PISD: variants seen among roughly 807,000 people sequenced by gnomAD.
PISD encodes phosphatidylserine decarboxylase, also known as phosphatidylserine decarboxylase proenzyme, mitochondrial.
PISD carries 31 observed loss-of-function variants against 43.5 expected under a neutral mutation model. The ratio of observed to expected loss-of-function variants is 0.71; its 90% CI spans 0.54 to 0.96. The LOEUF (loss-of-function observed/expected upper bound fraction) is 0.96, where lower values mean the gene tolerates loss of function less well. Ranked by LOEUF, PISD falls within the 40% of genes least tolerant of loss-of-function variation. The pLI is 0.00. For synonymous variants in PISD, 259 were observed against 228.7 expected, an observed-to-expected ratio of 1.13 and a Z score of -1.20; for missense variants, 523 against 548.4, an observed-to-expected ratio of 0.95 and a Z score of 0.46.
At chr22:31,646,179 T>C (rs890235377) in intron 3 of PISD, among the ~76,000 whole-genome samples, 4 of 151,598 alleles carry the variant, frequency 2.6e-5, no homozygotes, top group Non-Finnish European at 5.9e-5. Flanking sequence ...GGAGGGTCGC[T>C]TGAGCCCAGG....
At chr22:31,661,336 T>A (rs895558566) in intron 1 of PISD, among the ~76,000 whole-genome samples, 6 of 152,150 alleles carry the variant, frequency 3.9e-5, no homozygotes, top group Non-Finnish European at 8.8e-5. Context: ...GTATGGCGCA[T>A]CTCTCAAATC....
chr22:31,637,735 C>G (rs2073554836), intron 3 of PISD, among the ~76,000 whole-genome samples: 1 of 152,224 alleles, frequency 6.6e-6, no homozygotes, highest in Admixed American at 6.5e-5. Flanking sequence ...CTGACTCAGT[C>G]TGGGGAAGAG....
At chr22:31,640,880 G>GTTTTTTTTTGT (rs2073690526) in intron 3 of PISD, among the ~76,000 whole-genome samples, 1 of 24,596 alleles carries the variant, frequency 4.1e-5, no homozygotes, top group African/African-American at 1.8e-4. Context: ...CACACCCGGT[G>GTTTTTTTTTGT]TTTTTTTTTT....
At chr22:31,623,997 A>T (rs1187231292) in intron 3 of PISD, 1 of 692,398 alleles carries the variant, frequency 1.4e-6, no homozygotes, top group East Asian at 2.7e-5. Context: ...GAGCCCAGCA[A>T]GCACTGGCTG....
At chr22:31,625,589 G>T in intron 3 of PISD, 1 of 718,786 alleles carries the variant, frequency 1.4e-6, no homozygotes, top group Non-Finnish European at 2.3e-6. Context: ...ACCTGAAGCG[G>T]GCTCTCCGAC....
rs565352858 is a variant in PISD at position 31,638,496 on chromosome 22, T to G, written c.321+9605A>C. ...ACAGGGAAGAGGGAGAAACGCTTGT[T>G]GGCCAAGAAGACCGGCAGAGAGGAA... On this transcript the variant is annotated intron_variant, in intron 3 of 7. Transcript: ENST00000439502. 120 of 985,532 alleles carry G rather than the reference T, an allele frequency of 1.2e-4. No homozygotes were observed. In the African/African-American group the frequency reaches 1.9e-3, roughly 15 times the overall value. 61.0% of individuals were successfully genotyped at this position (985,532 alleles called of 1,614,324 possible).
intron 4 of PISD, 48 bp from the exon 5 acceptor site, chr22:31,621,520 C>T (rs1286655620): frequency 6.2e-7 from 1 of 1,607,792 alleles, no homozygotes; most frequent in Admixed American, 1.7e-5. Context: ...GGGTCTCCTC[C>T]CCCCAGGAGA....
intron 3 of PISD, chr22:31,629,578 ATGGGTG>A (rs1486516052): frequency 1.5e-5 from 1 of 65,138 alleles, no homozygotes; most frequent in Non-Finnish European, 2.9e-5. Flanking sequence ...GCGTGCGTGT[ATGGGTG>A]TGTAGGTGCA....
chr22:31,622,022 C>A (rs2072612233), intron 3 of PISD, 137 bp from the exon 4 acceptor site: 1 of 670,118 alleles, frequency 1.5e-6, no homozygotes, highest in Non-Finnish European at 2.6e-6. Context: ...AGGTGCCCCA[C>A]GCTGCTTTTG....
intron 1 of PISD, among the ~76,000 whole-genome samples, chr22:31,651,774 G>A (rs1420474698): frequency 2.0e-5 from 3 of 152,104 alleles, no homozygotes; most frequent in Non-Finnish European, 4.4e-5. Flanking sequence ...TACTATTCTG[G>A]TTCAGTTACT....
chr22:31,643,920 C>G lies in PISD; in HGVS notation c.321+4181G>C, dbSNP rs1380093187. 2.0e-5 allele frequency among the ~76,000 whole-genome samples: 3 copies of G among 151,954 alleles called. 1 individual carries two copies. The highest frequency in any genetic ancestry group is 4.4e-5 in the Non-Finnish European group (3 of 68,000). On this transcript the variant is annotated intron_variant, in intron 3 of 7. Coordinates refer to ENST00000439502, the MANE Select transcript of PISD (RefSeq NM_001326411.2). ...AAAATTAGCCAGGCCTGGTGGCGGG[C>G]ACTTGTAATCCCAGCTACTCAGGAG...
At chr22:31,625,862 T>A in intron 3 of PISD, 1 of 1,568,036 alleles carries the variant, frequency 6.4e-7, no homozygotes, top group Non-Finnish European at 8.7e-7. Flanking sequence ...ATCACTCCCT[T>A]TGTTTTCCTC....
In PISD at chr22:31,630,705, C is replaced by G; in HGVS notation, c.322-8820G>C. ...ACCGAAGGCCCTAGAAGGGCACCCC[C>G]ACCCGGCACTGGCCCTCTGAGCGGG... On this transcript the variant is annotated intron_variant, in intron 3 of 7. Coordinates refer to ENST00000439502, the MANE Select transcript of PISD (RefSeq NM_001326411.2). The surrounding 1 kb of genome is among the most constrained non-coding windows in gnomAD (Gnocchi z 4.4). The G allele has an allele frequency of 1.0e-6, 1 of 984,910 alleles. No homozygotes were observed. Among genetic ancestry groups the G allele is most frequent in the South Asian group, 4.7e-5 (1 of 21,288 alleles). 61.0% of individuals were successfully genotyped at this position (984,910 alleles called of 1,614,324 possible). A position where few individuals can be genotyped will look rare whatever the true frequency, so the allele number is the denominator to read the frequency against.
intron 2 of PISD, among the ~76,000 whole-genome samples, chr22:31,648,875 G>A (rs916693611): frequency 1.3e-5 from 2 of 152,106 alleles, no homozygotes; most frequent in East Asian, 1.9e-4. Flanking sequence ...ACACTGAATC[G>A]CAAAGAGGTC....
At chr22:31,659,011 G>A (rs1007724481) in intron 1 of PISD, among the ~76,000 whole-genome samples, 3 of 151,744 alleles carry the variant, frequency 2.0e-5, no homozygotes, top group Non-Finnish European at 2.9e-5. Flanking sequence ...GCACCACTAT[G>A]ACCAGCTAAT....
At chr22:31,620,491 C>A in intron 7 of PISD, 62 bp downstream of exon 7, 1 of 1,545,938 alleles carries the variant, frequency 6.5e-7, no homozygotes, top group Admixed American at 1.7e-5. Context: ...GCACAGCAGA[C>A]AAGGCAGGTA....
chr22:31,652,129 G>C (rs1020124025), intron 1 of PISD, among the ~76,000 whole-genome samples: 1 of 150,926 alleles, frequency 6.6e-6, no homozygotes, highest in African/African-American at 2.5e-5. Flanking sequence ...TGGATATTTA[G>C]TTATGTCTTT....
intron 3 of PISD, chr22:31,625,745 C>A: frequency 6.4e-7 from 1 of 1,572,192 alleles, no homozygotes; most frequent in Non-Finnish European, 8.6e-7. Flanking sequence ...GGTTAGGGCG[C>A]GGTGGGCAGC....
intron 3 of PISD, among the ~76,000 whole-genome samples, chr22:31,634,190 T>C (rs1423187213): frequency 6.6e-6 from 1 of 152,226 alleles, no homozygotes; most frequent in Non-Finnish European, 1.5e-5. Context: ...CCTCAGCTAA[T>C]TCTCATTTCC....
Sources: gnomAD v4.1 joint callset for allele counts (sites outside exome capture counted in the v4.1 genomes callset) on GRCh38, gnomAD v4.1.1 for gene constraint, Gnocchi (gnomAD v3.1) non-coding constraint, MANE v1.5 for transcripts, NCBI Gene and HGNC (gene_info 2026-07-23, HGNC 2026-07-21) for gene names.